EIF4G3: variants seen among roughly 807,000 people sequenced by gnomAD.
EIF4G3 encodes eIF-4-gamma 3.
A neutral mutation model predicts 186.4 loss-of-function variants in EIF4G3; 34 were observed. The ratio of observed to expected loss-of-function variants is 0.18; its 90% CI spans 0.14 to 0.24. The LOEUF (loss-of-function observed/expected upper bound fraction) is 0.24, where lower values mean the gene tolerates loss of function less well. Ranked by LOEUF, EIF4G3 falls within the 10% of genes least tolerant of loss-of-function variation. EIF4G3 has a pLI of 1.00. For synonymous variants in EIF4G3, 673 were observed against 679.5 expected (o/e 0.99, Z 0.15); for missense variants, 1,536 against 1,948.5 (o/e 0.79, Z 3.99).
At chr1:21,092,299 A>G (rs977526483) in intron 2 of EIF4G3, among the ~76,000 whole-genome samples, 4 of 152,002 alleles carry the variant, frequency 2.6e-5, no homozygotes, top group Non-Finnish European at 4.4e-5. Flanking sequence ...ACATTTATTG[A>G]TTTGTGTATG....
At chr1:20,957,882 C>G (rs776116192) in intron 12 of EIF4G3, among the ~76,000 whole-genome samples, 40 of 152,080 alleles carry the variant, frequency 2.6e-4, no homozygotes, top group Admixed American at 6.6e-4. Flanking sequence ...CAATGACAAG[C>G]AGCAAGATTG....
At chr1:20,816,212 T>A (rs1570958706) in intron 34 of EIF4G3, among the ~76,000 whole-genome samples, 1 of 71,516 alleles carries the variant, frequency 1.4e-5, no homozygotes. Context: ...AGCCGCCCCG[T>A]CCGGGAGGGA....
intron 14 of EIF4G3, among the ~76,000 whole-genome samples, chr1:20,938,460 A>G (rs1428255770): frequency 1.3e-5 from 2 of 152,192 alleles, no homozygotes; most frequent in Non-Finnish European, 2.9e-5. Context: ...AGGTTTCTGA[A>G]GCCAGCTTTG....
At chr1:20,979,226 T>G (rs969168251) in intron 10 of EIF4G3, among the ~76,000 whole-genome samples, 2 of 152,208 alleles carry the variant, frequency 1.3e-5, no homozygotes, top group African/African-American at 4.8e-5. Flanking sequence ...TTGGCGCATA[T>G]GCCAATAATC....
At chr1:20,992,915 A>T (rs2081426807) in intron 7 of EIF4G3, among the ~76,000 whole-genome samples, 1 of 152,202 alleles carries the variant, frequency 6.6e-6, no homozygotes, top group South Asian at 2.1e-4. Context: ...GTGGCTTGCT[A>T]TAATTCTGAG....
In EIF4G3 at chr1:20,810,766, T is replaced by C. The variant is rs760190191; in HGVS notation, c.4716A>G (p.Ala1572=). The C allele has an allele frequency of 3.3e-5, 53 of 1,614,018 alleles. No homozygotes were observed. The highest frequency in any genetic ancestry group is 3.3e-5 in the Non-Finnish European group (39 of 1,179,986). Residue 1572 remains alanine, a synonymous_variant, in exon 36 of 37, where the codon GCA becomes GCG. Coordinates refer to ENST00000602326, the MANE Select transcript of EIF4G3 (RefSeq NM_001391906.1). This position sits in a 1 kb window ranked among gnomAD's most constrained non-coding sequence, Gnocchi z 4.1. Reference sequence around the variant, plus strand: ...CAGGTTGATCAAGTTTTACTATCGATGCTTGTAGTGCATAAAGTGCTTGCA... The same window carrying C: ...CAGGTTGATCAAGTTTTACTATCGACGCTTGTAGTGCATAAAGTGCTTGCA... ...KELQALYALQ[A]SIVKLDQPAN...
chr1:20,863,446 C>CTT (rs66717219), intron 22 of EIF4G3, among the ~76,000 whole-genome samples: 28 of 113,124 alleles, frequency 2.5e-4, no homozygotes, highest in Non-Finnish European at 4.0e-4. Context: ...TTTTTTTTTC[C>CTT]TTTTTTTTTT....
chr1:20,854,712 T>TATAAATAA (rs375345484), intron 26 of EIF4G3, among the ~76,000 whole-genome samples: 7,985 of 147,966 alleles, frequency 0.054, 349 homozygotes, highest in African/African-American at 0.11. Context: ...CTCAAAAATA[T>TATAAATAA]ATAAATAAAT....
chr1:21,165,146 T>C (rs764824140), intron 2 of EIF4G3, among the ~76,000 whole-genome samples: 2 of 152,090 alleles, frequency 1.3e-5, no homozygotes, highest in Admixed American at 6.6e-5. Context: ...TTACACCCAA[T>C]AGGATGGCCT....
chr1:20,825,426 C>A (rs2063374955), intron 32 of EIF4G3, among the ~76,000 whole-genome samples: 1 of 151,900 alleles, frequency 6.6e-6, no homozygotes, highest in Admixed American at 6.6e-5. Flanking sequence ...CTGGCCCAGG[C>A]AACACACACA....
rs370170002 is a variant in EIF4G3 at position 21,140,454 on chromosome 1, C to T, written c.-272+35721G>A. On this transcript the variant is annotated intron_variant, in intron 2 of 36. Transcript: ENST00000602326. ...TCAGCCCCCTAAATAGCTGGGACTA[C>T]AGGAATGCACCACCATGCATGGCTA... is the stretch of plus-strand genomic sequence containing the variant. 3.9e-5 allele frequency among the ~76,000 whole-genome samples: 6 copies of T among 152,134 alleles called. No homozygotes were observed. In the South Asian group the frequency reaches 6.2e-4, roughly 16 times the overall value.
intron 4 of EIF4G3, among the ~76,000 whole-genome samples, chr1:21,015,128 T>C (rs1055176858): frequency 5.9e-5 from 9 of 151,644 alleles, no homozygotes; most frequent in Non-Finnish European, 1.2e-4. Context: ...AAAAAATAAC[T>C]GAATTGAAAA....
chr1:21,157,362 G>GT (rs904825467), intron 2 of EIF4G3, among the ~76,000 whole-genome samples: 30 of 150,492 alleles, frequency 2.0e-4, no homozygotes, highest in East Asian at 5.8e-4. Context: ...TTTTCTTGTA[G>GT]TTTTTTTTTG....
At chr1:20,849,097 G>A (rs2072360533) in intron 29 of EIF4G3, among the ~76,000 whole-genome samples, 1 of 149,608 alleles carries the variant, frequency 6.7e-6, no homozygotes, top group South Asian at 2.1e-4. Flanking sequence ...CTATATACAG[G>A]GTGCCAGAAA....
In EIF4G3 at chr1:21,002,813, C is replaced by CA; in HGVS notation, c.-66-6dup. 6.7e-7 allele frequency: 1 copy of CA among 1,493,352 alleles called. No homozygotes were observed. Among genetic ancestry groups the CA allele is most frequent in the Non-Finnish European group, 9.3e-7 (1 of 1,080,754 alleles). 92.5% of individuals were successfully genotyped at this position (1,493,352 alleles called of 1,614,324 possible). A position where few individuals can be genotyped will look rare whatever the true frequency, so the allele number is the denominator to read the frequency against. ...CTGTCCAGAGGGATAAGGGGTCTGTCAAAAAATGGCAAGAACAATATAATA... is the reference window on the plus strand; with the variant it reads ...CTGTCCAGAGGGATAAGGGGTCTGTCAAAAAAATGGCAAGAACAATATAATA... On this transcript the variant is annotated splice_polypyrimidine_tract_variant and splice_region_variant and intron_variant, in intron 4 of 36. Transcript: ENST00000602326.
intron 4 of EIF4G3, among the ~76,000 whole-genome samples, chr1:21,029,564 G>C (rs1013391376): frequency 6.6e-6 from 1 of 152,032 alleles, no homozygotes; most frequent in African/African-American, 2.4e-5. Flanking sequence ...GAAGCCAGGA[G>C]TTTGAGACAA....
At chr1:21,005,797 T>TA (rs968022000) in intron 4 of EIF4G3, among the ~76,000 whole-genome samples, 19 of 152,098 alleles carry the variant, frequency 1.2e-4, no homozygotes, top group Admixed American at 8.5e-4. Context: ...AAGTGATTAC[T>TA]AAAAAAAACA....
intron 14 of EIF4G3, among the ~76,000 whole-genome samples, chr1:20,930,112 T>TA (rs1309874150): frequency 2.0e-5 from 3 of 152,194 alleles, no homozygotes; most frequent in African/African-American, 4.8e-5. Flanking sequence ...ACTTTATTGC[T>TA]AAAAAATACT....
chr1:21,137,807 C>A lies in EIF4G3; in HGVS notation c.-272+38368G>T, dbSNP rs377267627. ...GCACTCCAGCCTAAGCAACAGAAGA[C>A]CCTGTCTCAAAAAAAAAAAAAAAAA... On this transcript the variant is annotated intron_variant, in intron 2 of 36. Coordinates refer to ENST00000602326, the MANE Select transcript of EIF4G3 (RefSeq NM_001391906.1). 4.9e-5 allele frequency among the ~76,000 whole-genome samples: 7 copies of A among 141,840 alleles called. No homozygotes were observed. In the East Asian group the frequency reaches 9.9e-4, roughly 20 times the overall value. The allele number at this position is 141,840 out of a possible 152,430, so 93.1% of individuals were successfully genotyped here.
Sources: gnomAD v4.1 joint callset for allele counts (sites outside exome capture counted in the v4.1 genomes callset) on GRCh38, gnomAD v4.1.1 for gene constraint, Gnocchi (gnomAD v3.1) non-coding constraint, MANE v1.5 for transcripts, NCBI Gene and HGNC (gene_info 2026-07-23, HGNC 2026-07-21) for gene names.